EFL1: variants seen among roughly 807,000 people sequenced by gnomAD.
The protein encoded by EFL1 is elongation factor-like GTPase 1.
A neutral mutation model predicts 126.7 loss-of-function variants in EFL1; 76 were observed. That is an observed-to-expected ratio of 0.60 (90% CI 0.50 to 0.73). The LOEUF (loss-of-function observed/expected upper bound fraction) is 0.73. Among genes scored for constraint, EFL1 ranks in the 30% least tolerant of loss-of-function variants. EFL1 has a pLI of 0.00. For synonymous variants in EFL1, 410 were observed against 448.4 expected, an observed-to-expected ratio of 0.91 and a Z score of 1.08; for missense variants, 1,128 against 1,343.2, an observed-to-expected ratio of 0.84 and a Z score of 2.50.
intron 18 of EFL1, among the ~76,000 whole-genome samples, chr15:82,140,542 G>A (rs989984319): frequency 3.3e-5 from 5 of 151,984 alleles, no homozygotes; most frequent in African/African-American, 1.2e-4. Flanking sequence ...TCTCCACTCA[G>A]CGAGACAACT....
intron 18 of EFL1, among the ~76,000 whole-genome samples, chr15:82,141,580 A>ACCGC (rs2073787352): frequency 6.6e-6 from 1 of 151,644 alleles, no homozygotes; most frequent in African/African-American, 2.4e-5. Flanking sequence ...AGGCAGGAGA[A>ACCGC]TCGCTTGGAG....
chr15:82,178,697 G>A (rs1182153433), intron 15 of EFL1, among the ~76,000 whole-genome samples: 1 of 152,162 alleles, frequency 6.6e-6, no homozygotes, highest in Non-Finnish European at 1.5e-5. Context: ...TTCTCCCTTA[G>A]GAGGAATTTC....
intron 4 of EFL1, among the ~76,000 whole-genome samples, chr15:82,246,683 C>T (rs1483403151): frequency 6.6e-6 from 1 of 152,044 alleles, no homozygotes; most frequent in Non-Finnish European, 1.5e-5. Context: ...GTCCAGAGCA[C>T]AGGTTTTTGC....
At chr15:82,187,883 C>G (rs917524407) in intron 15 of EFL1, among the ~76,000 whole-genome samples, 3 of 151,928 alleles carry the variant, frequency 2.0e-5, no homozygotes, top group South Asian at 2.1e-4. Flanking sequence ...TTCTTTGGAG[C>G]AATATACACT....
At chr15:82,194,719 C>T (rs1234727120) in intron 15 of EFL1, among the ~76,000 whole-genome samples, 1 of 152,190 alleles carries the variant, frequency 6.6e-6, no homozygotes, top group Non-Finnish European at 1.5e-5. Context: ...ATGTCCTCAG[C>T]AACCCACGTT....
At chr15:82,173,534 G>A (rs533898605) in intron 15 of EFL1, among the ~76,000 whole-genome samples, 1 of 152,264 alleles carries the variant, frequency 6.6e-6, no homozygotes, top group Admixed American at 6.5e-5. Flanking sequence ...TCTATTGTCT[G>A]AAATACTTTA....
intron 12 of EFL1, among the ~76,000 whole-genome samples, chr15:82,223,774 T>C (rs1399901693): frequency 1.3e-5 from 2 of 152,218 alleles, no homozygotes; most frequent in East Asian, 3.8e-4. Flanking sequence ...CCTAGATACA[T>C]AATTAGACAT....
At chr15:82,195,725 G>A (rs923152884) in intron 15 of EFL1, among the ~76,000 whole-genome samples, 4 of 152,146 alleles carry the variant, frequency 2.6e-5, no homozygotes, top group Non-Finnish European at 5.9e-5. Flanking sequence ...GTGCTCAGAA[G>A]CAGCACCTGG....
chr15:82,192,984 G>A (rs1449470570), intron 15 of EFL1, among the ~76,000 whole-genome samples: 1 of 152,202 alleles, frequency 6.6e-6, no homozygotes, highest in Non-Finnish European at 1.5e-5. Context: ...TGGCAAAGAT[G>A]AGGAGACTGT....
At position 82,225,240 on chromosome 15, in the gene EFL1, T is replaced by A; in HGVS notation, c.1217A>T (p.Asp406Val). ...AACAAATATAATAACTGGAGCAGTG[T>A]CCTCACTTCCACATTTCATAAAAGC... ...KAAFMKCGSE[D>V]TAPVIIFVSK... The change falls in exon 12 of 20, where the codon GAC (aspartate) becomes GTC (valine). Residue 406 changes from aspartate (D) to valine (V), a missense_variant. Around this residue, in one of 6 missense-constraint regions of EFL1, gnomAD observed 316 missense variants for 318.5 expected, o/e 0.99. Coordinates refer to ENST00000268206, the MANE Select transcript of EFL1 (RefSeq NM_024580.6). The A allele has an allele frequency of 6.2e-7, 1 of 1,610,676 alleles. No homozygotes were observed. The highest frequency in any genetic ancestry group is 8.5e-7 in the Non-Finnish European group (1 of 1,178,954).
At chr15:82,206,174 A>C (rs1403902541) in intron 15 of EFL1, among the ~76,000 whole-genome samples, 1 of 152,224 alleles carries the variant, frequency 6.6e-6, no homozygotes, top group Non-Finnish European at 1.5e-5. Flanking sequence ...AAATTATACT[A>C]AGATTCAGAC....
At position 82,152,095 on chromosome 15, in the gene EFL1, C is replaced by T. The variant is rs777187990; in HGVS notation, c.2359G>A (p.Glu787Lys). 17 of 1,613,926 alleles carry T rather than the reference C, an allele frequency of 1.1e-5. No individual in the cohort carries two copies. The highest frequency in any genetic ancestry group is 1.3e-5 in the Non-Finnish European group (15 of 1,180,020). Residue 787 changes from glutamate (E) to lysine (K), a missense_variant, in exon 18 of 20, where the codon GAA (glutamate) becomes AAA (lysine). Glu to Lys is a moderately conservative substitution (Grantham distance 56, BLOSUM62 1). Transcript: ENST00000268206. Reference protein sequence around the residue: ...EQLTSSLNEGENTHMIHQKTQ... With the variant: ...EQLTSSLNEGKNTHMIHQKTQ... ...TTCTGATGAATCATGTGAGTATTTT[C>T]ACCCTCATTCAAAGAGGATGTCAAC...
At chr15:82,259,050 A>T in intron 3 of EFL1, 38 bp downstream of exon 3, 1 of 1,567,292 alleles carries the variant, frequency 6.4e-7, no homozygotes, top group Non-Finnish European at 8.8e-7. Flanking sequence ...GATAGCTAAT[A>T]CTGAAATGCA....
In EFL1 at chr15:82,261,747, T is replaced by G. The variant is rs1345863302; in HGVS notation, c.32A>C (p.Gln11Pro). 2.5e-6 allele frequency: 4 copies of G among 1,614,178 alleles called. No individual in the cohort carries two copies. The East Asian group carries it at 8.9e-5, about 36-fold the overall frequency. Residue 11 changes from glutamine (Q) to proline (P), a missense_variant, in exon 2 of 20, where the codon CAA (glutamine) becomes CCA (proline). By Grantham distance (76) the Gln-to-Pro change is moderately conservative. This residue lies in a region of EFL1 where 118 missense variants were observed against 188.1 expected (regional missense o/e 0.63). Transcript: ENST00000268206. ...GATGTTGGCAGTGTTTTTCTGGAGT[T>G]GAATCATCTTATCCAAACTGTTGAG... MVLNSLDKMIQLQKNTANIRN... is the reference protein window; with the variant it reads MVLNSLDKMIPLQKNTANIRN...
intron 3 of EFL1, among the ~76,000 whole-genome samples, chr15:82,256,502 A>G (rs1265826440): frequency 6.6e-6 from 1 of 152,196 alleles, no homozygotes; most frequent in Non-Finnish European, 1.5e-5. Flanking sequence ...CCTCCAGTAC[A>G]ATCTAAAGTA....
At chr15:82,170,275 C>T (rs1039700378) in intron 15 of EFL1, among the ~76,000 whole-genome samples, 66 of 151,570 alleles carry the variant, frequency 4.4e-4, no homozygotes, top group African/African-American at 1.5e-3. Context: ...CCACTACGCC[C>T]GGCTAATTTT....
At chr15:82,190,716 C>T (rs1203383977) in intron 15 of EFL1, among the ~76,000 whole-genome samples, 1 of 152,058 alleles carries the variant, frequency 6.6e-6, no homozygotes, top group African/African-American at 2.4e-5. Context: ...AATATATATT[C>T]CAGGTCTTGA....
chr15:82,223,558 A>G (rs909201137), intron 12 of EFL1, among the ~76,000 whole-genome samples: 4 of 152,188 alleles, frequency 2.6e-5, no homozygotes, highest in Admixed American at 2.6e-4. Flanking sequence ...GCAAGAAATG[A>G]AGGATGGGTA....
intron 2 of EFL1, among the ~76,000 whole-genome samples, chr15:82,260,372 C>A (rs1223151460): frequency 6.6e-6 from 1 of 152,156 alleles, no homozygotes; most frequent in African/African-American, 2.4e-5. Context: ...GTAAGTGATC[C>A]ACTATCTGTC....
Sources: allele counts gnomAD v4.1 joint callset (sites outside exome capture counted in the v4.1 genomes callset), GRCh38; gene constraint gnomAD v4.1.1; regional missense constraint gnomAD v4.1.1; transcripts MANE v1.5; gene names NCBI Gene and HGNC (gene_info 2026-07-23, HGNC 2026-07-21).